FBXO25: variants seen among roughly 807,000 people sequenced by gnomAD.
FBXO25 encodes F-box only protein 25.
Under a neutral mutation model 51.9 loss-of-function variants are expected in FBXO25, and 45 were observed. The ratio of observed to expected loss-of-function variants is 0.87; its 90% CI spans 0.68 to 1.11. The LOEUF is 1.11. Ranked by LOEUF, FBXO25 falls within the 50% of genes most tolerant of loss-of-function variation. FBXO25 has a pLI of 0.00. For synonymous variants in FBXO25, 199 were observed against 151.0 expected (o/e 1.32, Z -2.33); for missense variants, 507 against 428.5 (o/e 1.18, Z -1.62).
At chr8:448,410 A>T (rs1282026689) in intron 5 of FBXO25, among the ~76,000 whole-genome samples, 4 of 152,204 alleles carry the variant, frequency 2.6e-5, no homozygotes, top group Non-Finnish European at 5.9e-5. Flanking sequence ...GTGGCTTCAA[A>T]TTTCTCCAAA....
chr8:446,472 G>C (rs1184913452), intron 5 of FBXO25, among the ~76,000 whole-genome samples: 2 of 152,182 alleles, frequency 1.3e-5, no homozygotes, highest in Non-Finnish European at 2.9e-5. Context: ...ATTCAGATTA[G>C]GAAATCCATT....
intron 7 of FBXO25, among the ~76,000 whole-genome samples, chr8:452,414 G>A (rs1001560187): frequency 1.4e-5 from 2 of 142,934 alleles, no homozygotes; most frequent in Admixed American, 1.4e-4. Flanking sequence ...CTTTTACTGC[G>A]TTCCCCATGC....
intron 9 of FBXO25, among the ~76,000 whole-genome samples, chr8:465,913 T>G (rs147323246): frequency 1.8e-4 from 28 of 152,328 alleles, no homozygotes; most frequent in African/African-American, 6.7e-4. Flanking sequence ...GCTTTGCCAT[T>G]CTTGTATTTA....
Position 431,387 on chromosome 8 carries a change from G to C in FBXO25, c.181G>C (p.Glu61Gln). ...DGEIFNNEEHEYASKKRKKDH... is the reference protein window; with the variant it reads ...DGEIFNNEEHQYASKKRKKDH... ...AGAAATATTCAATAATGAAGAGCAT[G>C]AATATGCATCGAAAAAAAGGAAAAA... is the stretch of plus-strand genomic sequence containing the variant. The change falls in exon 3 of 10, where the codon GAA becomes CAA. Residue 61 changes from glutamate to glutamine, a missense_variant. By Grantham distance (29) the Glu-to-Gln change is conservative. Coordinates refer to ENST00000350302, the MANE Select transcript of FBXO25 (RefSeq NM_183420.2). The C allele has an allele frequency of 6.4e-7, 1 of 1,554,720 alleles. No individual in the cohort carries two copies. Among genetic ancestry groups the C allele is most frequent in the Non-Finnish European group, 8.7e-7 (1 of 1,149,538 alleles).
chr8:444,573 A>T (rs979975069), intron 5 of FBXO25, among the ~76,000 whole-genome samples: 22 of 152,150 alleles, frequency 1.4e-4, no homozygotes, highest in African/African-American at 4.3e-4. Context: ...AAAAATACAG[A>T]TTCTCTATTT....
chr8:465,801 C>T (rs1348118082), intron 9 of FBXO25, among the ~76,000 whole-genome samples: 1 of 152,182 alleles, frequency 6.6e-6, no homozygotes, highest in Non-Finnish European at 1.5e-5. Flanking sequence ...TTTTGGATTA[C>T]AGGTGCTCCA....
At position 451,127 on chromosome 8, in the gene FBXO25, T is replaced by A. The variant is rs1799057988; in HGVS notation, c.476-142T>A. 1.2e-5 allele frequency: 8 copies of A among 643,500 alleles called. No homozygotes were observed. The South Asian group carries it at 1.9e-4, about 16-fold the overall frequency. The allele number at this position is 643,500 out of a possible 1,614,324, so 39.9% of individuals were successfully genotyped here. ...TGAGAATTTCCCTCCTTTTTAGGGC[T>A]GAATAATATTCTATTGCATGTATAG... On this transcript the variant is annotated intron_variant, in intron 6 of 9. Transcript: ENST00000350302.
Position 468,987 on chromosome 8 carries a change from G to C in FBXO25, c.*183G>C. ...TGCATTTTCATCACTGAAAGTCAGA[G>C]GCCAAGGAAATCATTTCTACTTCTT... On this transcript the variant is annotated 3_prime_UTR_variant, in exon 10 of 10. Coordinates refer to ENST00000350302, the MANE Select transcript of FBXO25 (RefSeq NM_183420.2). 1.8e-6 allele frequency: 1 copy of C among 564,660 alleles called. No homozygotes were observed. Among genetic ancestry groups the C allele is most frequent in the South Asian group, 2.4e-5 (1 of 41,620 alleles). The allele number at this position is 564,660 out of a possible 1,614,324, so 35.0% of individuals were successfully genotyped here.
intron 9 of FBXO25, among the ~76,000 whole-genome samples, chr8:466,425 A>T (rs1469467553): frequency 6.6e-6 from 1 of 152,234 alleles, no homozygotes; most frequent in Non-Finnish European, 1.5e-5. Flanking sequence ...AAACTGGCAC[A>T]TAGCTGGTGC....
At chr8:439,023 C>G (rs894766709) in intron 5 of FBXO25, among the ~76,000 whole-genome samples, 1 of 152,246 alleles carries the variant, frequency 6.6e-6, no homozygotes, top group East Asian at 1.9e-4. Context: ...TGTGTCCCAA[C>G]TGCAGTGAGG....
chr8:427,518 C>A (rs370564893), intron 2 of FBXO25, among the ~76,000 whole-genome samples: 989 of 149,504 alleles, frequency 6.6e-3, no homozygotes, highest in African/African-American at 0.011. Context: ...AAGATAGATA[C>A]TTTTATTCAT....
chr8:421,839 C>G lies in FBXO25; in HGVS notation c.134+8626C>G, dbSNP rs191767989. Among the ~76,000 whole-genome samples, 5 of 152,156 alleles carry G rather than the reference C, an allele frequency of 3.3e-5. No homozygotes were observed. The East Asian group carries it at 9.7e-4, about 29-fold the overall frequency. ...TGTCAGATATCAGAAGGGTAGATGT[C>G]CGTCAAAAAGTGCTGCATTGGCCAA... On this transcript the variant is annotated intron_variant, in intron 2 of 9. Coordinates refer to ENST00000350302, the MANE Select transcript of FBXO25 (RefSeq NM_183420.2).
In FBXO25 at chr8:473,473, C is replaced by T. The variant is rs1336221145; in HGVS notation, c.*4669C>T. 1 of 152,326 alleles carries T rather than the reference C, an allele frequency of 6.6e-6. No individual in the cohort carries two copies. The highest frequency in any genetic ancestry group is 2.4e-5 in the African/African-American group (1 of 41,476). The allele number at this position is 152,326 out of a possible 1,614,324, so 9.4% of individuals were successfully genotyped here. ...GCTCCCCAGGGCACCTGCCCCAATA[C>T]AGGCCACGTGGATCTGCCATTGCTT... is the stretch of plus-strand genomic sequence containing the variant. On this transcript the variant is annotated 3_prime_UTR_variant, in exon 10 of 10. Coordinates refer to ENST00000350302, the MANE Select transcript of FBXO25 (RefSeq NM_183420.2).
At chr8:467,700 C>G in intron 9 of FBXO25, 3 of 1,613,526 alleles carry the variant, frequency 1.9e-6, no homozygotes, top group Non-Finnish European at 2.5e-6. Flanking sequence ...CTTCCTGATT[C>G]TTTCTTCATG....
Position 437,088 on chromosome 8 carries a change from T to C in FBXO25, c.381+1381T>C, listed in dbSNP as rs3931132. Among the ~76,000 whole-genome samples the C allele has an allele frequency of 7.9e-5, 12 of 152,216 alleles. No individual in the cohort carries two copies. In the East Asian group the frequency reaches 1.9e-3, roughly 25 times the overall value. On this transcript the variant is annotated intron_variant, in intron 5 of 9. Coordinates refer to ENST00000350302, the MANE Select transcript of FBXO25 (RefSeq NM_183420.2). ...ATTTTTTTTTTGTCTGTGTACCACA[T>C]ACTACTATAATTTGCTGGGTAGCTT... is the stretch of plus-strand genomic sequence containing the variant.
intron 2 of FBXO25, among the ~76,000 whole-genome samples, chr8:423,800 T>C (rs1188537861): frequency 2.0e-5 from 3 of 152,360 alleles, no homozygotes; most frequent in African/African-American, 7.2e-5. Context: ...TTCTTTTGGA[T>C]ATATACCCAG....
intron 9 of FBXO25, among the ~76,000 whole-genome samples, chr8:466,804 G>A (rs1800188410): frequency 6.6e-6 from 1 of 152,156 alleles, no homozygotes; most frequent in Non-Finnish European, 1.5e-5. Context: ...CAGTCTGTAA[G>A]TAACTGGGCT....
chr8:450,985 G>T (rs1174198667), intron 6 of FBXO25: 2 of 250,812 alleles, frequency 8.0e-6, no homozygotes, highest in Non-Finnish European at 1.5e-5. Context: ...GACTACTCAT[G>T]TAAGTGCCTT....
At chr8:439,786 G>A (rs1798315488) in intron 5 of FBXO25, among the ~76,000 whole-genome samples, 1 of 152,126 alleles carries the variant, frequency 6.6e-6, no homozygotes, top group African/African-American at 2.4e-5. Flanking sequence ...GTGGAAAGGT[G>A]GCCAGGTGCG....
Sources: gnomAD v4.1 joint callset for allele counts (sites outside exome capture counted in the v4.1 genomes callset) on GRCh38, gnomAD v4.1.1 for gene constraint, MANE v1.5 for transcripts, NCBI Gene and HGNC (gene_info 2026-07-23, HGNC 2026-07-21) for gene names.